Variants in PLD1 observed in about 807,000 individuals in gnomAD.
PLD1 encodes phospholipase D1, also known as choline phosphatase 1.
In PLD1, 112 loss-of-function variants were observed where a neutral mutation model predicts 137.1. The observed-to-expected ratio is 0.82, with a 90% CI of 0.70 to 0.96. The LOEUF is 0.96. Ranked by LOEUF, PLD1 falls within the 40% of genes least tolerant of loss-of-function variation. The pLI is 0.00. For missense variants in PLD1, 1,321 were observed against 1,342.0 expected, an observed-to-expected ratio of 0.98 and a Z score of 0.24; for synonymous variants, 431 against 454.7, an observed-to-expected ratio of 0.95 and a Z score of 0.66.
intron 1 of PLD1, among the ~76,000 whole-genome samples, chr3:171,747,546 A>T (rs1720328911): frequency 6.6e-6 from 1 of 151,720 alleles, no homozygotes; most frequent in Admixed American, 6.6e-5. Context: ...GGCTCTATAC[A>T]GGAAACTTGA....
chr3:171,720,335 C>T (rs1210771458), intron 8 of PLD1, among the ~76,000 whole-genome samples: 14 of 148,904 alleles, frequency 9.4e-5, no homozygotes, highest in African/African-American at 1.2e-4. Context: ...GTGGCTCACG[C>T]TTGTAATCCC....
intron 22 of PLD1, chr3:171,643,288 A>C (rs894170469): frequency 6.3e-6 from 1 of 158,726 alleles, no homozygotes; most frequent in Non-Finnish European, 1.4e-5. Context: ...AGCACTTAGC[A>C]GAATAATTTA....
chr3:171,618,248 T>C (rs907644758), intron 24 of PLD1, among the ~76,000 whole-genome samples: 30 of 152,186 alleles, frequency 2.0e-4, no homozygotes, highest in African/African-American at 7.2e-4. Context: ...ACAAAATAAA[T>C]TGGAGTCTTT....
chr3:171,702,663 G>A (rs1438885711), intron 11 of PLD1, among the ~76,000 whole-genome samples: 2 of 151,930 alleles, frequency 1.3e-5, no homozygotes, highest in Non-Finnish European at 2.9e-5. Context: ...AAAAGAAATT[G>A]AAACTGACTT....
At chr3:171,799,187 A>C (rs990424673) in intron 1 of PLD1, among the ~76,000 whole-genome samples, 1 of 151,908 alleles carries the variant, frequency 6.6e-6, no homozygotes, top group Non-Finnish European at 1.5e-5. Context: ...AAAAATACAA[A>C]AATTAGCCGG....
intron 23 of PLD1, among the ~76,000 whole-genome samples, chr3:171,632,434 T>C (rs368643507): frequency 6.6e-6 from 1 of 152,200 alleles, no homozygotes; most frequent in East Asian, 1.9e-4. Context: ...TTCAATAAGG[T>C]CTATAAACTG....
chr3:171,654,312 A>G, intron 21 of PLD1: 1 of 316,552 alleles, frequency 3.2e-6, no homozygotes, highest in Non-Finnish European at 6.1e-6. Flanking sequence ...AAAAAAAAAA[A>G]AAAAAAAAGA....
chr3:171,799,278 G>GC (rs2108357617), intron 1 of PLD1, among the ~76,000 whole-genome samples: 1 of 138,068 alleles, frequency 7.2e-6, no homozygotes, highest in African/African-American at 2.7e-5. Context: ...GGTGGAGGTT[G>GC]CAGTGAGCCA....
At chr3:171,769,892 A>G (rs1185047566) in intron 1 of PLD1, among the ~76,000 whole-genome samples, 1 of 152,226 alleles carries the variant, frequency 6.6e-6, no homozygotes, top group African/African-American at 2.4e-5. Flanking sequence ...GCATATTAGC[A>G]TATTTAAAAC....
intron 13 of PLD1, 119 bp downstream of exon 13, chr3:171,692,213 T>C (rs1157995844): frequency 1.7e-6 from 1 of 584,852 alleles, no homozygotes; most frequent in Admixed American, 3.1e-5. Context: ...GACACAATGC[T>C]ATTTGATCAA....
At chr3:171,683,787 C>T (rs999979306) in intron 16 of PLD1, among the ~76,000 whole-genome samples, 1 of 152,234 alleles carries the variant, frequency 6.6e-6, no homozygotes, top group Non-Finnish European at 1.5e-5. Flanking sequence ...TTATTCACCA[C>T]ATCTCTAGCA....
Position 171,682,168 on chromosome 3 carries a change from A to AAAGAAAGAAAG in PLD1, c.1868-4475_1868-4474insCTTTCTTTCTT, listed in dbSNP as rs1241340317. ...AGAAAGAAAGAAAGAAAGAAAGAAAAAGAAAGAAAGAAAGAAAGAAAGGGA... is the reference window on the plus strand; with the variant it reads ...AGAAAGAAAGAAAGAAAGAAAGAAAAAAGAAAGAAAGAGAAAGAAAGAAAGAAAGAAAGGGA... On this transcript the variant is annotated intron_variant, in intron 16 of 26. Coordinates refer to ENST00000351298, the MANE Select transcript of PLD1 (RefSeq NM_002662.5). Among the ~76,000 whole-genome samples, 103 of 105,816 alleles carry AAAGAAAGAAAG rather than the reference A, an allele frequency of 9.7e-4. 1 individual carries two copies. Among genetic ancestry groups the AAAGAAAGAAAG allele is most frequent in the South Asian group, 1.8e-3 (6 of 3,292 alleles). The allele number at this position is 105,816 out of a possible 152,430, so 69.4% of individuals were successfully genotyped here.
At chr3:171,620,066 G>A (rs1231050331) in intron 24 of PLD1, among the ~76,000 whole-genome samples, 1 of 152,158 alleles carries the variant, frequency 6.6e-6, no homozygotes, top group East Asian at 1.9e-4. Context: ...GATAAAAATA[G>A]TTTAGTTCAC....
intron 19 of PLD1, among the ~76,000 whole-genome samples, chr3:171,665,858 C>T (rs931882600): frequency 6.6e-6 from 1 of 152,132 alleles, no homozygotes; most frequent in African/African-American, 2.4e-5. Flanking sequence ...TGCCTGAGTC[C>T]AAGCCCCGTA....
chr3:171,746,082 T>C (rs4519730), intron 1 of PLD1, among the ~76,000 whole-genome samples: 78,693 of 151,958 alleles, frequency 0.52, 21,547 homozygotes, highest in African/African-American at 0.7. Flanking sequence ...CCCGCCCCAC[T>C]GCGCTTGAAT....
chr3:171,754,368 C>A (rs1430926212), intron 1 of PLD1, among the ~76,000 whole-genome samples: 2 of 152,138 alleles, frequency 1.3e-5, no homozygotes, highest in East Asian at 3.8e-4. Context: ...TCCTAATAAT[C>A]CTACAGGGGA....
chr3:171,685,715 T>C (rs1478339911), intron 16 of PLD1, among the ~76,000 whole-genome samples: 2 of 152,228 alleles, frequency 1.3e-5, no homozygotes, highest in Non-Finnish European at 2.9e-5. Context: ...GTTAAACTTA[T>C]TAGTCATTCA....
intron 12 of PLD1, among the ~76,000 whole-genome samples, chr3:171,694,732 C>T (rs1356990628): frequency 1.3e-5 from 2 of 152,090 alleles, no homozygotes; most frequent in African/African-American, 4.8e-5. Flanking sequence ...GTAGTAGTTG[C>T]AAATTAGGAA....
chr3:171,613,672 C>T (rs2108274656), intron 24 of PLD1, among the ~76,000 whole-genome samples: 1 of 151,768 alleles, frequency 6.6e-6, no homozygotes, highest in African/African-American at 2.4e-5. Context: ...TAGCTCAATA[C>T]CTGGTTCATT....
Sources: allele counts gnomAD v4.1 joint callset (sites outside exome capture counted in the v4.1 genomes callset), GRCh38; gene constraint gnomAD v4.1.1; transcripts MANE v1.5; gene names NCBI Gene and HGNC (gene_info 2026-07-23, HGNC 2026-07-21).